UGT1A8: variants seen among roughly 807,000 people sequenced by gnomAD.
The protein encoded by UGT1A8 is UDP-glucuronosyltransferase 1A8.
Under a neutral mutation model 45.3 loss-of-function variants are expected in UGT1A8, and 39 were observed. The observed-to-expected ratio is 0.86, with a 90% confidence interval of 0.67 to 1.12. The LOEUF is 1.12. UGT1A8 is among the 50% of genes most tolerant of loss of function. UGT1A8 has a pLI of 0.00. For missense variants in UGT1A8, 719 were observed against 664.9 expected (o/e 1.08, Z -0.90); for synonymous variants, 275 against 249.2 (o/e 1.10, Z -0.97).
intron 1 of UGT1A8, among the ~76,000 whole-genome samples, chr2:233,679,987 A>G (rs931822429): frequency 2.0e-5 from 3 of 152,064 alleles, no homozygotes; most frequent in African/African-American, 7.2e-5. Context: ...TGTCTTCATG[A>G]ATCTTTTCTT....
chr2:233,734,462 A>G (rs990660022), intron 1 of UGT1A8, among the ~76,000 whole-genome samples: 2 of 145,254 alleles, frequency 1.4e-5, no homozygotes, highest in African/African-American at 5.4e-5. Context: ...TTCAAAATCC[A>G]TCTCCTGGAT....
At chr2:233,719,072 G>C (rs148007151) in intron 1 of UGT1A8, 2 of 1,614,284 alleles carry the variant, frequency 1.2e-6, no homozygotes, top group African/African-American at 2.7e-5. Flanking sequence ...CTGTTCCATG[G>C]ACCCAGAAGG....
At chr2:233,659,469 T>C (rs1386052225) in intron 1 of UGT1A8, among the ~76,000 whole-genome samples, 3 of 151,938 alleles carry the variant, frequency 2.0e-5, no homozygotes, top group Non-Finnish European at 2.9e-5. Flanking sequence ...TGAGAAAAAA[T>C]TTTAGGGTTG....
chr2:233,635,419 T>C (rs1418445426), intron 1 of UGT1A8, among the ~76,000 whole-genome samples: 2 of 150,676 alleles, frequency 1.3e-5, no homozygotes, highest in Non-Finnish European at 2.9e-5. Context: ...TAAAAAATTA[T>C]ACTTTAAGAG....
At chr2:233,724,293 C>A (rs1226718888) in intron 1 of UGT1A8, among the ~76,000 whole-genome samples, 7 of 135,018 alleles carry the variant, frequency 5.2e-5, no homozygotes, top group Non-Finnish European at 8.1e-5. Flanking sequence ...GGGGGCTGAC[C>A]CCCCCACCTC....
chr2:233,678,869 C>T (rs1002668336), intron 1 of UGT1A8, among the ~76,000 whole-genome samples: 4 of 152,172 alleles, frequency 2.6e-5, no homozygotes, highest in Non-Finnish European at 5.9e-5. Context: ...TCCATAATCC[C>T]TTCATGACTT....
chr2:233,753,648 C>T (rs1051556706), intron 1 of UGT1A8: 5 of 152,204 alleles, frequency 3.3e-5, no homozygotes, highest in Non-Finnish European at 5.9e-5. Context: ...CACAAAGGTA[C>T]TTTCTCAATT....
rs138626513 is a variant in UGT1A8 at position 233,772,998 on chromosome 2, C to T, written c.*439C>T. 4.0e-5 allele frequency: 10 copies of T among 249,518 alleles called. No individual in the cohort carries two copies. The East Asian group carries it at 6.9e-4, about 17-fold the overall frequency. 15.5% of individuals were successfully genotyped at this position (249,518 alleles called of 1,614,324 possible). On this transcript the variant is annotated 3_prime_UTR_variant, in exon 5 of 5. Coordinates refer to ENST00000373450, the MANE Select transcript of UGT1A8 (RefSeq NM_019076.5). ...AATAATGGTCAGTCCTCATCTCTGT[C>T]GTGCTTCATAGGTGCCACCTTGTGT...
intron 1 of UGT1A8, chr2:233,672,162 T>G: frequency 6.2e-7 from 1 of 1,614,188 alleles, no homozygotes; most frequent in Non-Finnish European, 8.5e-7. Flanking sequence ...CAGTGAAGAC[T>G]TATTCAACTT....
At chr2:233,643,458 C>T (rs917561158) in intron 1 of UGT1A8, among the ~76,000 whole-genome samples, 8 of 152,082 alleles carry the variant, frequency 5.3e-5, no homozygotes, top group African/African-American at 1.9e-4. Context: ...GTGGGCTCCC[C>T]TCTATCCCAG....
intron 1 of UGT1A8, among the ~76,000 whole-genome samples, chr2:233,695,452 C>T (rs114490104): frequency 7.8e-4 from 118 of 151,598 alleles, no homozygotes; most frequent in African/African-American, 2.4e-3. Flanking sequence ...TTTTGATCAA[C>T]GTGCTTTATT....
rs377333605 is a variant in UGT1A8 at position 233,713,764 on chromosome 2, G to A, written c.856-53270G>A. 2.4e-5 allele frequency: 38 copies of A among 1,613,838 alleles called. No homozygotes were observed. Among genetic ancestry groups the A allele is most frequent in the Middle Eastern group, 3.3e-4 (2 of 6,074 alleles). On this transcript the variant is annotated intron_variant, in intron 1 of 4. Coordinates refer to ENST00000373450, the MANE Select transcript of UGT1A8 (RefSeq NM_019076.5). ...AGCCATGCATCTGTGTGGCTGTTCC[G>A]AGGGGACTTTGTGATGGATTACCCC...
At chr2:233,636,536 G>T in intron 1 of UGT1A8, 3 of 1,613,794 alleles carry the variant, frequency 1.9e-6, no homozygotes, top group Non-Finnish European at 2.5e-6. Context: ...GCTCGCGCAG[G>T]GTGGACCAGC....
At chr2:233,705,910 A>T (rs2075878510) in intron 1 of UGT1A8, among the ~76,000 whole-genome samples, 1 of 152,154 alleles carries the variant, frequency 6.6e-6, no homozygotes, top group South Asian at 2.1e-4. Flanking sequence ...CAAAATAGTG[A>T]AACTCCTTCT....
chr2:233,769,776 G>A lies in UGT1A8; in HGVS notation c.1295+1337G>A. ...AGGCTAAGGCGGGAGGATTGCTTGAGCCCAGAAGTTGGAGGCTGCTATGAG... is the reference window on the plus strand; with the variant it reads ...AGGCTAAGGCGGGAGGATTGCTTGAACCCAGAAGTTGGAGGCTGCTATGAG... On this transcript the variant is annotated intron_variant, in intron 4 of 4. Transcript: ENST00000373450. This position sits in a 1 kb window ranked among gnomAD's most constrained non-coding sequence, Gnocchi z 4.4. The A allele has an allele frequency of 7.3e-7, 1 of 1,373,770 alleles. No individual in the cohort carries two copies. The allele number at this position is 1,373,770 out of a possible 1,614,324, so 85.1% of individuals were successfully genotyped here. A position where few individuals can be genotyped will look rare whatever the true frequency, so the allele number is the denominator to read the frequency against.
intron 1 of UGT1A8, among the ~76,000 whole-genome samples, chr2:233,744,983 A>G (rs1224917598): frequency 1.3e-5 from 2 of 151,846 alleles, no homozygotes; most frequent in African/African-American, 4.9e-5. Flanking sequence ...GCCTCTAGTC[A>G]TCTCTTGATT....
intron 1 of UGT1A8, chr2:233,681,987 T>A: frequency 6.2e-7 from 1 of 1,614,188 alleles, no homozygotes; most frequent in Non-Finnish European, 8.5e-7. Context: ...GTGTGTCTAC[T>A]GCTGACCTGT....
chr2:233,661,677 T>TTCTTTCTTTCTTTCTC (rs2073972142), intron 1 of UGT1A8, among the ~76,000 whole-genome samples: 1 of 148,204 alleles, frequency 6.7e-6, no homozygotes, highest in African/African-American at 2.5e-5. Flanking sequence ...CTTTCTTTCT[T>TTCTTTCTTTCTTTCTC]TCTTTTTAAA....
intron 1 of UGT1A8, chr2:233,742,951 A>G (rs1692147451): frequency 4.7e-6 from 1 of 213,770 alleles, no homozygotes; most frequent in East Asian, 1.2e-4. Flanking sequence ...ACTAGCAAAT[A>G]ATCATTGTCT....
Sources: allele counts gnomAD v4.1 joint callset (sites outside exome capture counted in the v4.1 genomes callset), GRCh38; gene constraint gnomAD v4.1.1; non-coding constraint Gnocchi (gnomAD v3.1); transcripts MANE v1.5; gene names NCBI Gene and HGNC (gene_info 2026-07-23, HGNC 2026-07-21).